Variants in DENND5B observed in about 807,000 individuals in gnomAD.
The protein encoded by DENND5B is DENN domain-containing protein 5B.
A neutral mutation model predicts 140.6 loss-of-function variants in DENND5B; 34 were observed. That is an observed-to-expected ratio of 0.24 (90% confidence interval 0.18 to 0.32). The LOEUF (loss-of-function observed/expected upper bound fraction) is 0.32. Among genes scored for constraint, DENND5B ranks in the 10% least tolerant of loss-of-function variants. The pLI is 1.00. For synonymous variants in DENND5B, 551 were observed against 562.1 expected (o/e 0.98, Z 0.28); for missense variants, 1,142 against 1,560.2 (o/e 0.73, Z 4.52).
chr12:31,506,121 A>G (rs2138868667), intron 1 of DENND5B, among the ~76,000 whole-genome samples: 1 of 152,312 alleles, frequency 6.6e-6, no homozygotes, highest in South Asian at 2.1e-4. Context: ...GGCATGAGCC[A>G]CCTTGCCTAG....
intron 1 of DENND5B, among the ~76,000 whole-genome samples, chr12:31,514,857 T>G (rs1591961985): frequency 1.4e-5 from 2 of 146,050 alleles, no homozygotes; most frequent in South Asian, 2.2e-4. Context: ...TGACACTGGG[T>G]GCAGTGGCTC....
intron 1 of DENND5B, among the ~76,000 whole-genome samples, chr12:31,572,332 C>G (rs556067376): frequency 1.1e-4 from 17 of 152,214 alleles, no homozygotes; most frequent in Middle Eastern, 3.4e-3. Context: ...AATGCCCCCA[C>G]GCAAACCAAA....
At chr12:31,483,339 T>C (rs1946143140) in intron 2 of DENND5B, among the ~76,000 whole-genome samples, 1 of 152,194 alleles carries the variant, frequency 6.6e-6, no homozygotes. Context: ...CCACTCCACA[T>C]TGTATTAGGT....
chr12:31,446,804 G>A (rs1461990005), intron 6 of DENND5B, among the ~76,000 whole-genome samples: 2 of 151,314 alleles, frequency 1.3e-5, no homozygotes, highest in Non-Finnish European at 2.9e-5. Context: ...GGAGAATGGC[G>A]TGAACCCGGG....
intron 1 of DENND5B, among the ~76,000 whole-genome samples, chr12:31,547,503 A>G (rs1328774097): frequency 6.6e-6 from 1 of 151,712 alleles, no homozygotes; most frequent in East Asian, 1.9e-4. Flanking sequence ...GGTTCAAGCG[A>G]TTCTCCTGCC....
At chr12:31,408,375 C>T (rs1171190898) in intron 14 of DENND5B, among the ~76,000 whole-genome samples, 1 of 151,512 alleles carries the variant, frequency 6.6e-6, no homozygotes, top group Admixed American at 6.6e-5. Flanking sequence ...GCCTGTAATC[C>T]CAGCACTTTG....
chr12:31,390,901 C>A (rs549478702), intron 19 of DENND5B, among the ~76,000 whole-genome samples: 1 of 151,840 alleles, frequency 6.6e-6, no homozygotes, highest in Non-Finnish European at 1.5e-5. Flanking sequence ...GGTGTAATCC[C>A]AGCTAATCAG....
chr12:31,538,997 G>C (rs1360909498), intron 1 of DENND5B, among the ~76,000 whole-genome samples: 1 of 136,290 alleles, frequency 7.3e-6, no homozygotes, highest in Non-Finnish European at 1.6e-5. Flanking sequence ...CAAACTGCTA[G>C]ACAGACTAAG....
In DENND5B at chr12:31,577,579, C is replaced by T. The variant is rs1042328251; in HGVS notation, c.127+13127G>A. ...ACAAAAAATTAGCCAGGCGTGGTGG[C>T]GGGCGCCTGTAGTCCCAGCTACTCA... On this transcript the variant is annotated intron_variant, in intron 1 of 20. Transcript: ENST00000389082. Among the ~76,000 whole-genome samples the T allele has an allele frequency of 2.6e-5, 4 of 151,452 alleles. No homozygotes were observed. The South Asian group carries it at 6.3e-4, about 24-fold the overall frequency.
Position 31,590,765 on chromosome 12 carries a change from T to A in DENND5B, c.68A>T (p.His23Leu). 7.2e-7 allele frequency: 1 copy of A among 1,395,586 alleles called. No individual in the cohort carries two copies. Among genetic ancestry groups the A allele is most frequent in the Non-Finnish European group, 9.3e-7 (1 of 1,074,072 alleles). The allele number at this position is 1,395,586 out of a possible 1,614,324, so 86.5% of individuals were successfully genotyped here. A position where few individuals can be genotyped will look rare whatever the true frequency, so the allele number is the denominator to read the frequency against. Residue 23 changes from histidine (H) to leucine (L), a missense_variant, in exon 1 of 21, where the codon CAC (histidine) becomes CTC (leucine). By Grantham distance (99) the His-to-Leu change is moderately conservative. Coordinates refer to ENST00000389082, the MANE Select transcript of DENND5B (RefSeq NM_144973.4). ...GSSPAACRFA[H>L]YFVLCGIDAD... ...GTCGATCCCGCACAGCACGAAGTAG[T>A]GCGCGAAGCGGCAGGCGGCCGGGGA...
intron 11 of DENND5B, 82 bp downstream of exon 11, chr12:31,423,515 A>G (rs1457372010): frequency 1.0e-5 from 14 of 1,391,916 alleles, no homozygotes; most frequent in Non-Finnish European, 1.4e-5. Context: ...AGCTTGAGAG[A>G]GAAAGAGATC....
chr12:31,525,210 T>TA (rs1410435696), intron 1 of DENND5B, among the ~76,000 whole-genome samples: 1 of 152,176 alleles, frequency 6.6e-6, no homozygotes, highest in Non-Finnish European at 1.5e-5. Context: ...CCAACATTAA[T>TA]AAAAACATGT....
intron 1 of DENND5B, among the ~76,000 whole-genome samples, chr12:31,504,790 T>G (rs1227741493): frequency 6.6e-6 from 1 of 151,890 alleles, no homozygotes; most frequent in South Asian, 2.1e-4. Flanking sequence ...TGCTTCTGGG[T>G]GGGGGTCAAA....
At chr12:31,446,147 T>C (rs1944266417) in intron 6 of DENND5B, among the ~76,000 whole-genome samples, 1 of 152,134 alleles carries the variant, frequency 6.6e-6, no homozygotes, top group Non-Finnish European at 1.5e-5. Flanking sequence ...CAGATTTAAC[T>C]GCTTTCTTTT....
chr12:31,399,834 A>G, intron 15 of DENND5B, 62 bp from the exon 16 acceptor site: 1 of 1,328,560 alleles, frequency 7.5e-7, no homozygotes, highest in East Asian at 2.4e-5. Flanking sequence ...TCTCAGCTTT[A>G]CAGGTACTTT....
intron 17 of DENND5B, among the ~76,000 whole-genome samples, chr12:31,397,110 T>C (rs917925946): frequency 6.6e-6 from 1 of 152,140 alleles, no homozygotes; most frequent in African/African-American, 2.4e-5. Context: ...TAGTATAAAT[T>C]AGAAGTTTAC....
intron 11 of DENND5B, 73 bp from the exon 12 acceptor site, chr12:31,415,521 A>AAGTATTTTGTGGCTTTT: frequency 8.1e-7 from 1 of 1,241,732 alleles, no homozygotes; most frequent in Non-Finnish European, 1.1e-6. Context: ...AAATACTTTG[A>AAGTATTTTGTGGCTTTT]AACTGCTTCG....
intron 1 of DENND5B, among the ~76,000 whole-genome samples, chr12:31,569,426 G>A (rs1949740249): frequency 6.6e-6 from 1 of 152,148 alleles, no homozygotes; most frequent in South Asian, 2.1e-4. Context: ...TAGGAGCAGT[G>A]AGCTGGGCAT....
chr12:31,444,953 A>G (rs1306859053), intron 6 of DENND5B, among the ~76,000 whole-genome samples: 3 of 152,208 alleles, frequency 2.0e-5, no homozygotes, highest in African/African-American at 7.2e-5. Context: ...TCTCCCTTAC[A>G]TACGCTAAAG....
Sources: allele counts gnomAD v4.1 joint callset (sites outside exome capture counted in the v4.1 genomes callset), GRCh38; gene constraint gnomAD v4.1.1; transcripts MANE v1.5; gene names NCBI Gene and HGNC (gene_info 2026-07-23, HGNC 2026-07-21).